Variants in BOC observed in about 807,000 individuals in gnomAD.
The protein encoded by BOC is brother of CDO.
In BOC, 76 loss-of-function variants were observed where a neutral mutation model predicts 112.0. The ratio of observed to expected loss-of-function variants is 0.68; its 90% CI spans 0.56 to 0.82. The LOEUF is 0.82. BOC is among the 40% of genes least tolerant of loss of function. BOC has a pLI of 0.00. For missense variants in BOC, 1,309 were observed against 1,511.7 expected, an observed-to-expected ratio of 0.87 and a Z score of 2.22; for synonymous variants, 580 against 599.8, an observed-to-expected ratio of 0.97 and a Z score of 0.48.
intron 4 of BOC, 77 bp downstream of exon 4, chr3:113,250,910 T>C (rs113965223): frequency 1.6e-5 from 25 of 1,545,488 alleles, no homozygotes; most frequent in Non-Finnish European, 2.2e-5. Flanking sequence ...CCACCATTCA[T>C]GCTGCCTCTT....
At chr3:113,232,069 G>C (rs1411107374) in intron 2 of BOC, among the ~76,000 whole-genome samples, 1 of 152,050 alleles carries the variant, frequency 6.6e-6, no homozygotes, top group Non-Finnish European at 1.5e-5. Context: ...TTTGCAACTG[G>C]TGGAGCCTAA....
At position 113,273,297 on chromosome 3, in the gene BOC, T is replaced by C; in HGVS notation, c.1190T>C (p.Val397Ala). 6.2e-7 allele frequency: 1 copy of C among 1,602,154 alleles called. No individual in the cohort carries two copies. Among genetic ancestry groups the C allele is most frequent in the Non-Finnish European group, 8.5e-7 (1 of 1,170,916 alleles). The change falls in exon 8 of 20, where the codon GTT becomes GCT. Residue 397 changes from valine (V) to alanine (A), a missense_variant. Physicochemically the swap from Val to Ala is moderately conservative, Grantham distance 64. Transcript: ENST00000682979. ...TACCAGTGCATGGCCGAGAACGAGG[T>C]TGGGAGCGCCCATGCCGTAGTCCAG... ...GVYQCMAENE[V>A]GSAHAVVQLR... is the part of the protein sequence containing the mutation.
intron 3 of BOC, 73 bp downstream of exon 3, chr3:113,249,972 A>T (rs1945407548): frequency 4.5e-6 from 6 of 1,318,818 alleles, no homozygotes; most frequent in Middle Eastern, 1.8e-4. Flanking sequence ...ATAACTCTTT[A>T]AAAAGGCCTT....
chr3:113,276,410 G>C (rs115469254), intron 9 of BOC, among the ~76,000 whole-genome samples: 5,076 of 152,240 alleles, frequency 0.033, 153 homozygotes, highest in East Asian at 0.099. Flanking sequence ...GGGTACATGG[G>C]GCGCAGGGGA....
At chr3:113,266,833 G>A (rs990132397) in intron 4 of BOC, among the ~76,000 whole-genome samples, 2 of 152,218 alleles carry the variant, frequency 1.3e-5, no homozygotes, top group African/African-American at 4.8e-5. Flanking sequence ...CCTCCCCTGT[G>A]TTGGCTTGAA....
chr3:113,263,639 G>T (rs1022657615), intron 4 of BOC, among the ~76,000 whole-genome samples: 4 of 152,176 alleles, frequency 2.6e-5, no homozygotes. Context: ...CATGAAAATT[G>T]GGGGATAAGC....
chr3:113,280,200 C>G (rs529004492), intron 13 of BOC, among the ~76,000 whole-genome samples, 195 bp downstream of exon 13: 56 of 152,248 alleles, frequency 3.7e-4, no homozygotes, highest in Admixed American at 9.1e-4. Flanking sequence ...AGACCTCACC[C>G]TCCTTCCTGC....
At chr3:113,249,592 G>A (rs1576410093) in intron 2 of BOC, 130 bp from the exon 3 acceptor site, 2 of 487,686 alleles carry the variant, frequency 4.1e-6, no homozygotes, top group Non-Finnish European at 7.2e-6. Flanking sequence ...TCTTCCAGCA[G>A]CATGACCGGG....
At chr3:113,252,971 G>T (rs1945817352) in intron 4 of BOC, among the ~76,000 whole-genome samples, 1 of 152,100 alleles carries the variant, frequency 6.6e-6, no homozygotes, top group African/African-American at 2.4e-5. Context: ...GTCAAGAAGG[G>T]CTGAGGTCAG....
chr3:113,228,608 G>GT (rs1942068620), intron 2 of BOC, among the ~76,000 whole-genome samples: 1 of 152,212 alleles, frequency 6.6e-6, no homozygotes, highest in African/African-American at 2.4e-5. Context: ...TCATTTTAAA[G>GT]TTGGCAGGAG....
intron 2 of BOC, among the ~76,000 whole-genome samples, chr3:113,229,523 T>TCTAC (rs1357851461): frequency 2.6e-5 from 4 of 152,246 alleles, no homozygotes; most frequent in African/African-American, 4.8e-5. Context: ...CCTTTGCTAC[T>TCTAC]GTAGAGGCCG....
chr3:113,283,688 T>A, intron 16 of BOC, 56 bp downstream of exon 16: 1 of 1,502,026 alleles, frequency 6.7e-7, no homozygotes, highest in Non-Finnish European at 9.2e-7. Flanking sequence ...GGGGCTCCAC[T>A]AAGGAGGCCT....
At chr3:113,280,097 G>A (rs1027428735) in intron 13 of BOC, 92 bp downstream of exon 13, 2 of 1,295,934 alleles carry the variant, frequency 1.5e-6, no homozygotes, top group Admixed American at 2.7e-5. Flanking sequence ...CCCGAACAGG[G>A]CACCTGAAAG....
At chr3:113,258,060 T>TA (rs1428520126) in intron 4 of BOC, among the ~76,000 whole-genome samples, 1 of 152,212 alleles carries the variant, frequency 6.6e-6, no homozygotes, top group Admixed American at 6.5e-5. Context: ...GAACAGATTT[T>TA]AATGGGAGCT....
intron 9 of BOC, among the ~76,000 whole-genome samples, chr3:113,275,203 C>T (rs1475239962): frequency 1.3e-5 from 2 of 152,248 alleles, no homozygotes; most frequent in African/African-American, 4.8e-5. Flanking sequence ...TTCTCAGAAT[C>T]TGTCATGGCT....
intron 4 of BOC, among the ~76,000 whole-genome samples, chr3:113,255,526 G>A (rs1946138306): frequency 6.6e-6 from 1 of 152,102 alleles, no homozygotes; most frequent in African/African-American, 2.4e-5. Context: ...ATCATCCCTA[G>A]GTCCCACTGG....
chr3:113,248,781 A>G (rs1368939846), intron 2 of BOC, among the ~76,000 whole-genome samples: 1 of 152,162 alleles, frequency 6.6e-6, no homozygotes, highest in Non-Finnish European at 1.5e-5. Flanking sequence ...GGAACAGGAG[A>G]TGCTACTGTT....
chr3:113,285,170 G>A lies in BOC; in HGVS notation c.2967-202G>A, dbSNP rs41271359. Among the ~76,000 whole-genome samples, 786 of 152,380 alleles carry A rather than the reference G, an allele frequency of 5.2e-3. 8 individuals are homozygous for A. The highest frequency in any genetic ancestry group is 0.014 in the Middle Eastern group (4 of 294). On this transcript the variant is annotated intron_variant, in intron 18 of 19. Coordinates refer to ENST00000682979, the MANE Select transcript of BOC (RefSeq NM_001378074.1). Reference sequence around the variant, plus strand: ...ACCTGACTTCACATTCTCCCACATGGAGTAAAATGGAAATGGACTAGAATG... The same window carrying A: ...ACCTGACTTCACATTCTCCCACATGAAGTAAAATGGAAATGGACTAGAATG...
chr3:113,279,918 C>T lies in BOC; in HGVS notation c.2118C>T (p.Ser706=), dbSNP rs1949034506. Reference sequence around the variant, plus strand: ...GGCCCTACGTGGTGTCGGGCTACAGCGGTCGCGTGTACGAGAGGCCCGTGG... The same window carrying T: ...GGCCCTACGTGGTGTCGGGCTACAGTGGTCGCGTGTACGAGAGGCCCGTGG... The part of the protein sequence containing the change: ...PSRPYVVSGY[S]GRVYERPVAG... Residue 706 remains serine (S), a synonymous_variant, in exon 13 of 20, where the codon AGC becomes AGT. Transcript: ENST00000682979. 2 of 1,613,990 alleles carry T rather than the reference C, an allele frequency of 1.2e-6. No individual in the cohort carries two copies. Among genetic ancestry groups the T allele is most frequent in the South Asian group, 2.2e-5 (2 of 91,058 alleles).
Sources: allele counts gnomAD v4.1 joint callset (sites outside exome capture counted in the v4.1 genomes callset), GRCh38; gene constraint gnomAD v4.1.1; transcripts MANE v1.5; gene names NCBI Gene and HGNC (gene_info 2026-07-23, HGNC 2026-07-21).